Variants in MRPS27 observed in about 807,000 individuals in gnomAD.
MRPS27 encodes the protein small ribosomal subunit protein mS27.
Under a neutral mutation model 48.9 loss-of-function variants are expected in MRPS27, and 43 were observed. The ratio of observed to expected loss-of-function variants is 0.88; its 90% CI spans 0.69 to 1.13. The LOEUF (loss-of-function observed/expected upper bound fraction) is 1.13. Among genes scored for constraint, MRPS27 ranks in the 50% most tolerant of loss-of-function variants. MRPS27 has a pLI of 0.00. For synonymous variants in MRPS27, 188 were observed against 171.9 expected, an observed-to-expected ratio of 1.09 and a Z score of -0.73; for missense variants, 467 against 476.3, an observed-to-expected ratio of 0.98 and a Z score of 0.18.
rs375745305 is a variant in MRPS27, at chr5:72,279,250, T to A, written c.281+16281A>T. On this transcript the variant is annotated intron_variant, in intron 4 of 10. Transcript: ENST00000261413. ...AGTGAGCATCTATTCATATGTTAAATATGTTAACTGCCAATATGGTTTTTT... is the reference window on the plus strand; with the variant it reads ...AGTGAGCATCTATTCATATGTTAAAAATGTTAACTGCCAATATGGTTTTTT... Among the ~76,000 whole-genome samples, 222 of 152,362 alleles carry A rather than the reference T, an allele frequency of 1.5e-3. 5 individuals are homozygous for A. The South Asian group carries it at 0.045, about 31-fold the overall frequency.
At chr5:72,306,487 A>G (rs551076159) in intron 2 of MRPS27, among the ~76,000 whole-genome samples, 1 of 152,332 alleles carries the variant, frequency 6.6e-6, no homozygotes, top group Admixed American at 6.5e-5. Context: ...GCTAAACACC[A>G]CAATAAGGAT....
At chr5:72,243,697 C>T (rs931077246) in intron 4 of MRPS27, among the ~76,000 whole-genome samples, 2 of 152,160 alleles carry the variant, frequency 1.3e-5, no homozygotes, top group African/African-American at 2.4e-5. Flanking sequence ...CAAAAGTCAA[C>T]CAGATTGGGC....
At position 72,220,788 on chromosome 5, in the gene MRPS27, G is replaced by C. The variant is rs548545760; in HGVS notation, c.*121C>G. On this transcript the variant is annotated 3_prime_UTR_variant, in exon 11 of 11. Coordinates refer to ENST00000261413, the MANE Select transcript of MRPS27 (RefSeq NM_015084.3). ...GGTGCCTTGCCATGTAGGGCACATA[G>C]CCTGCTTTAAGAAAAGAAGATGGGT... The C allele has an allele frequency of 1.3e-4, 179 of 1,410,988 alleles. No homozygotes were observed. In the African/African-American group the frequency reaches 2.1e-3, roughly 17 times the overall value. The allele number at this position is 1,410,988 out of a possible 1,614,324, so 87.4% of individuals were successfully genotyped here. A position where few individuals can be genotyped will look rare whatever the true frequency, so the allele number is the denominator to read the frequency against.
intron 4 of MRPS27, among the ~76,000 whole-genome samples, chr5:72,250,290 G>T (rs958334892): frequency 6.6e-6 from 1 of 152,136 alleles, no homozygotes; most frequent in African/African-American, 2.4e-5. Flanking sequence ...AAGAAAGTTG[G>T]TGTCCATCAT....
At chr5:72,315,284 G>C (rs1750536019) in intron 1 of MRPS27, among the ~76,000 whole-genome samples, 1 of 152,050 alleles carries the variant, frequency 6.6e-6, no homozygotes, top group Non-Finnish European at 1.5e-5. Flanking sequence ...GATGGGTAAA[G>C]GATTTAAACA....
chr5:72,286,628 C>T (rs763907535), intron 4 of MRPS27, among the ~76,000 whole-genome samples: 8 of 151,646 alleles, frequency 5.3e-5, no homozygotes, highest in South Asian at 2.1e-4. Flanking sequence ...TTTGCTCAAC[C>T]GTTTTTAAAA....
At chr5:72,224,284 G>A (rs1341707649) in intron 9 of MRPS27, among the ~76,000 whole-genome samples, 1 of 152,078 alleles carries the variant, frequency 6.6e-6, no homozygotes, top group African/African-American at 2.4e-5. Context: ...GCTTGAGCCT[G>A]GGAGGTGGAG....
intron 7 of MRPS27, among the ~76,000 whole-genome samples, chr5:72,232,056 G>C (rs1475086793): frequency 1.3e-5 from 2 of 152,140 alleles, no homozygotes; most frequent in Non-Finnish European, 2.9e-5. Flanking sequence ...AACTGCCCTA[G>C]AGAAACCTTA....
At chr5:72,245,924 A>C (rs1190045479) in intron 4 of MRPS27, among the ~76,000 whole-genome samples, 1 of 152,220 alleles carries the variant, frequency 6.6e-6, no homozygotes, top group African/African-American at 2.4e-5. Flanking sequence ...AACACATGAA[A>C]AAGTTGAATC....
chr5:72,316,881 T>C (rs1417680124), intron 1 of MRPS27, among the ~76,000 whole-genome samples: 1 of 151,240 alleles, frequency 6.6e-6, no homozygotes, highest in Non-Finnish European at 1.5e-5. Flanking sequence ...AATACAAAAT[T>C]AGCCAGGCGT....
chr5:72,268,867 T>C (rs143762131), intron 4 of MRPS27, among the ~76,000 whole-genome samples: 198 of 152,318 alleles, frequency 1.3e-3, no homozygotes, highest in African/African-American at 4.6e-3. Context: ...AATTGAACTT[T>C]AGAGAGGTTT....
At chr5:72,253,321 A>G (rs1464748195) in intron 4 of MRPS27, among the ~76,000 whole-genome samples, 1 of 152,242 alleles carries the variant, frequency 6.6e-6, no homozygotes, top group African/African-American at 2.4e-5. Flanking sequence ...AGATAAGCAC[A>G]TATGATCAAT....
rs556712871 is a variant in MRPS27, at chr5:72,282,570, ATATTCT to A, written c.281+12955_281+12960del. Among the ~76,000 whole-genome samples, 512 of 152,316 alleles carry A rather than the reference ATATTCT, an allele frequency of 3.4e-3. 1 individual carries two copies. The highest frequency in any genetic ancestry group is 0.011 in the African/African-American group (458 of 41,572). On this transcript the variant is annotated intron_variant, in intron 4 of 10. Transcript: ENST00000261413. ...TGTAGAAAAAAAAGAACTTGGATAC[ATATTCT>A]TATGTGAAATTTTAGGAGTTTAAGG...
At chr5:72,244,364 C>T (rs188511019) in intron 4 of MRPS27, among the ~76,000 whole-genome samples, 1 of 152,156 alleles carries the variant, frequency 6.6e-6, no homozygotes, top group East Asian at 1.9e-4. Context: ...AGACCAAGGG[C>T]TTAAAAAAGA....
chr5:72,290,719 T>G (rs564385035), intron 4 of MRPS27, among the ~76,000 whole-genome samples: 1 of 152,216 alleles, frequency 6.6e-6, no homozygotes, highest in Non-Finnish European at 1.5e-5. Context: ...GGATAGGAAG[T>G]AGAAATTAAT....
chr5:72,249,238 G>T (rs774972960), intron 4 of MRPS27, among the ~76,000 whole-genome samples: 6 of 152,198 alleles, frequency 3.9e-5, no homozygotes, highest in Non-Finnish European at 8.8e-5. Context: ...TATTACAACA[G>T]AATGGAGCAT....
chr5:72,270,937 C>T (rs1749225360), intron 4 of MRPS27, among the ~76,000 whole-genome samples: 1 of 152,074 alleles, frequency 6.6e-6, no homozygotes, highest in Non-Finnish European at 1.5e-5. Context: ...AAATTCAATG[C>T]CCATGTTTGA....
chr5:72,266,819 C>T (rs1025469558), intron 4 of MRPS27, among the ~76,000 whole-genome samples: 1 of 151,912 alleles, frequency 6.6e-6, no homozygotes, highest in Non-Finnish European at 1.5e-5. Flanking sequence ...GAGATCGCCC[C>T]ACTGCACTCC....
chr5:72,236,520 G>GT (rs1748202643), intron 5 of MRPS27, among the ~76,000 whole-genome samples: 2 of 152,122 alleles, frequency 1.3e-5, no homozygotes, highest in African/African-American at 4.8e-5. Context: ...ATCTTTGAGT[G>GT]TAATCTGTGA....
Sources: gnomAD v4.1 joint callset for allele counts (sites outside exome capture counted in the v4.1 genomes callset) on GRCh38, gnomAD v4.1.1 for gene constraint, MANE v1.5 for transcripts, NCBI Gene and HGNC (gene_info 2026-07-23, HGNC 2026-07-21) for gene names.